LSAMP: variants seen among roughly 807,000 people sequenced by gnomAD.
The protein encoded by LSAMP is limbic system associated membrane protein, also known as limbic system-associated membrane protein.
A neutral mutation model predicts 38.6 loss-of-function variants in LSAMP; 7 were observed. The ratio of observed to expected loss-of-function variants is 0.18; its 90% confidence interval spans 0.10 to 0.34. LSAMP has a LOEUF of 0.34. LSAMP is among the 10% of genes least tolerant of loss of function. LSAMP has a pLI of 1.00. For missense variants in LSAMP, 313 were observed against 420.0 expected, an observed-to-expected ratio of 0.75 and a Z score of 2.23; for synonymous variants, 154 against 166.8, an observed-to-expected ratio of 0.92 and a Z score of 0.59.
chr3:116,106,752 A>C (rs1157606673), intron 1 of LSAMP, among the ~76,000 whole-genome samples: 1 of 152,022 alleles, frequency 6.6e-6, no homozygotes, highest in Non-Finnish European at 1.5e-5. Flanking sequence ...AAAGGCCTCT[A>C]CCTATCTAGT....
At chr3:115,984,889 A>C (rs1451058384) in intron 3 of LSAMP, among the ~76,000 whole-genome samples, 2 of 152,210 alleles carry the variant, frequency 1.3e-5, no homozygotes, top group Non-Finnish European at 2.9e-5. Context: ...TACGAAACAC[A>C]GAGGTGTAAG....
At chr3:116,396,081 GACA>G (rs1331126073) in intron 1 of LSAMP, among the ~76,000 whole-genome samples, 2 of 152,028 alleles carry the variant, frequency 1.3e-5, no homozygotes, top group Admixed American at 1.3e-4. Flanking sequence ...GGCTCTAATG[GACA>G]ACATTTTGGA....
rs1266911592 is a variant in LSAMP, at chr3:116,445,443, C to CCGAG, written c.-413_-412insCTCG. 1 of 450,104 alleles carries CCGAG rather than the reference C, an allele frequency of 2.2e-6. No homozygotes were observed. The highest frequency in any genetic ancestry group is 3.8e-5 in the Admixed American group (1 of 26,236). 27.9% of individuals were successfully genotyped at this position (450,104 alleles called of 1,614,324 possible). A position where few individuals can be genotyped will look rare whatever the true frequency, so the allele number is the denominator to read the frequency against. On this transcript the variant is annotated 5_prime_UTR_variant, in exon 1 of 7. Transcript: ENST00000490035. ...GCTGGCGGGCGGGCGGGCGAGGGAGCCGGCACCAAGCCTGCCAGTGAGTGT... is the reference window on the plus strand; with the variant it reads ...GCTGGCGGGCGGGCGGGCGAGGGAGCCGAGCGGCACCAAGCCTGCCAGTGAGTGT...
At chr3:116,246,760 CAGTA>C (rs1175790557) in intron 1 of LSAMP, among the ~76,000 whole-genome samples, 1 of 152,130 alleles carries the variant, frequency 6.6e-6, no homozygotes, top group African/African-American at 2.4e-5. Flanking sequence ...AAGGGAGAAG[CAGTA>C]AGTGAGCACT....
chr3:116,200,429 A>G (rs2107592268), intron 1 of LSAMP, among the ~76,000 whole-genome samples: 1 of 152,312 alleles, frequency 6.6e-6, no homozygotes, highest in Non-Finnish European at 1.5e-5. Flanking sequence ...TGTTTTCCTA[A>G]TAACAGTGGA....
At position 116,072,523 on chromosome 3, in the gene LSAMP, A is replaced by G. The variant is rs1027094635; in HGVS notation, c.388+13801T>C. Among the ~76,000 whole-genome samples the G allele has an allele frequency of 5.3e-5, 8 of 152,244 alleles. No homozygotes were observed. The East Asian group carries it at 1.5e-3, about 29-fold the overall frequency. The stretch of plus-strand genomic sequence containing the variant: ...GATTTATACTCACCCCAACAGTGTA[A>G]AAGTTTTCCTTTTCCTCTACAACCT... On this transcript the variant is annotated intron_variant, in intron 2 of 6. Transcript: ENST00000490035.
intron 1 of LSAMP, among the ~76,000 whole-genome samples, chr3:116,429,503 G>C (rs943267571): frequency 2.6e-5 from 4 of 152,120 alleles, no homozygotes; most frequent in African/African-American, 9.7e-5. Flanking sequence ...TTGCTGATGA[G>C]TGCACTTGAT....
intron 1 of LSAMP, among the ~76,000 whole-genome samples, chr3:116,165,558 A>G (rs188043885): frequency 2.6e-4 from 39 of 151,958 alleles, no homozygotes; most frequent in Non-Finnish European, 4.0e-4. Flanking sequence ...ACACACATAC[A>G]CACACACACA....
rs964612055 is a variant in LSAMP at position 116,300,787 on chromosome 3, G to A, written c.155+144090C>T. Among the ~76,000 whole-genome samples, 9 of 152,160 alleles carry A rather than the reference G, an allele frequency of 5.9e-5. No homozygotes were observed. The South Asian group carries it at 1.9e-3, about 32-fold the overall frequency. ...CCCTGGTGCCAAAAAGTTTGGGGATGGCTGACTTAAACTTCTAGCAATGAT... is the reference window on the plus strand; with the variant it reads ...CCCTGGTGCCAAAAAGTTTGGGGATAGCTGACTTAAACTTCTAGCAATGAT... On this transcript the variant is annotated intron_variant, in intron 1 of 6. Transcript: ENST00000490035.
At chr3:115,859,617 C>T (rs1184663206) in intron 3 of LSAMP, among the ~76,000 whole-genome samples, 2 of 152,146 alleles carry the variant, frequency 1.3e-5, no homozygotes, top group Admixed American at 1.3e-4. Context: ...GTAGTTAGTA[C>T]CCAGAAACCA....
At chr3:116,241,503 G>A (rs2046533400) in intron 1 of LSAMP, among the ~76,000 whole-genome samples, 1 of 152,104 alleles carries the variant, frequency 6.6e-6, no homozygotes, top group Admixed American at 6.5e-5. Context: ...GGAGGTGGAA[G>A]TTGCAGTGAG....
chr3:116,010,771 T>A (rs946148992), intron 3 of LSAMP, among the ~76,000 whole-genome samples: 1 of 152,206 alleles, frequency 6.6e-6, no homozygotes, highest in African/African-American at 2.4e-5. Flanking sequence ...AACTATTAGT[T>A]GGATAGGCTT....
intron 1 of LSAMP, among the ~76,000 whole-genome samples, chr3:116,374,786 G>T (rs1235623122): frequency 2.0e-5 from 3 of 151,754 alleles, no homozygotes; most frequent in Admixed American, 6.6e-5. Context: ...TTTCTCTACA[G>T]GCTATGCAAC....
intron 1 of LSAMP, among the ~76,000 whole-genome samples, chr3:116,337,535 G>A (rs1422589352): frequency 6.6e-6 from 1 of 151,914 alleles, no homozygotes. Context: ...TATTTTTACT[G>A]TATGTTGCAC....
At chr3:116,238,612 T>G (rs1288054737) in intron 1 of LSAMP, among the ~76,000 whole-genome samples, 1 of 152,104 alleles carries the variant, frequency 6.6e-6, no homozygotes, top group Non-Finnish European at 1.5e-5. Flanking sequence ...ACCTAACACC[T>G]CTATACAAAG....
At chr3:115,846,087 T>C (rs766231997) in intron 4 of LSAMP, among the ~76,000 whole-genome samples, 14 of 152,240 alleles carry the variant, frequency 9.2e-5, no homozygotes, top group Non-Finnish European at 1.9e-4. Flanking sequence ...GAATTCTGCA[T>C]AGGTGAGGCT....
chr3:116,250,778 G>T (rs1465628891), intron 1 of LSAMP, among the ~76,000 whole-genome samples: 2 of 152,150 alleles, frequency 1.3e-5, no homozygotes, highest in African/African-American at 4.8e-5. Context: ...GCTGAGGTAG[G>T]GGATCACTTG....
chr3:116,160,811 A>G (rs950695748), intron 1 of LSAMP, among the ~76,000 whole-genome samples: 1 of 152,248 alleles, frequency 6.6e-6, no homozygotes, highest in Non-Finnish European at 1.5e-5. Context: ...GTTTGTTTAC[A>G]TGCATATTTT....
At chr3:116,123,984 T>C (rs1456567511) in intron 1 of LSAMP, among the ~76,000 whole-genome samples, 1 of 152,204 alleles carries the variant, frequency 6.6e-6, no homozygotes, top group Non-Finnish European at 1.5e-5. Context: ...TCAGGAACTA[T>C]AAGAGTATAA....
Sources: allele counts gnomAD v4.1 joint callset (sites outside exome capture counted in the v4.1 genomes callset), GRCh38; gene constraint gnomAD v4.1.1; transcripts MANE v1.5; gene names NCBI Gene and HGNC (gene_info 2026-07-23, HGNC 2026-07-21).